The following MTCL1 variants were observed in gnomAD, a reference collection of about 807,000 sequenced individuals.
MTCL1 encodes microtubule crosslinking factor 1.
In MTCL1, 79 loss-of-function variants were observed where a neutral mutation model predicts 141.4. The ratio of observed to expected loss-of-function variants is 0.56; its 90% confidence interval spans 0.47 to 0.67. MTCL1 has a LOEUF of 0.67. Among genes scored for constraint, MTCL1 ranks in the 30% least tolerant of loss-of-function variants. MTCL1 has a pLI of 0.00. For missense variants in MTCL1, 2,177 were observed against 2,113.9 expected, an observed-to-expected ratio of 1.03 and a Z score of -0.59; for synonymous variants, 914 against 875.8, an observed-to-expected ratio of 1.04 and a Z score of -0.77.
At chr18:8,804,252 GA>G (rs1345547370) in intron 10 of MTCL1, among the ~76,000 whole-genome samples, 1 of 146,872 alleles carries the variant, frequency 6.8e-6, no homozygotes, top group African/African-American at 2.6e-5. Flanking sequence ...ATAATTTTTA[GA>G]TTTTTTTTTT....
At chr18:8,740,023 G>A (rs187590210) in intron 4 of MTCL1, among the ~76,000 whole-genome samples, 51 of 152,234 alleles carry the variant, frequency 3.4e-4, no homozygotes, top group Non-Finnish European at 5.1e-4. Context: ...GAGCCACCGC[G>A]CCCAGCCAAG....
chr18:8,830,198 T>C lies in MTCL1; in HGVS notation c.*18+1234T>C, dbSNP rs2044170114. 1 of 985,680 alleles carries C rather than the reference T, an allele frequency of 1.0e-6. No homozygotes were observed. Among genetic ancestry groups the C allele is most frequent in the Admixed American group, 6.1e-5 (1 of 16,284 alleles). The allele number at this position is 985,680 out of a possible 1,614,324, so 61.1% of individuals were successfully genotyped here. Reference sequence around the variant, plus strand: ...CAGGAGCACCTTGGGTTAGTCTGCATCTTGGTGGCTGGTGGCGCTGGTGGA... The same window carrying C: ...CAGGAGCACCTTGGGTTAGTCTGCACCTTGGTGGCTGGTGGCGCTGGTGGA... On this transcript the variant is annotated intron_variant, in intron 16 of 16. Transcript: ENST00000359865. The surrounding 1 kb of genome is among the most constrained non-coding windows in gnomAD (Gnocchi z 6.4).
chr18:8,786,177 GAGGCCCTGAGGGAAC>G, intron 7 of MTCL1, 86 bp downstream of exon 6: 2 of 1,401,834 alleles, frequency 1.4e-6, no homozygotes, highest in South Asian at 1.2e-5. Context: ...TGTCCCGGAC[GAGGCCCTGAGGGAAC>G]ATGGCAGGAG....
chr18:8,756,393 ATATG>A (rs1457718691), intron 4 of MTCL1, among the ~76,000 whole-genome samples: 9 of 148,260 alleles, frequency 6.1e-5, no homozygotes, highest in African/African-American at 1.7e-4. Context: ...ATATGTGTAT[ATATG>A]TATATATGTG....
chr18:8,781,853 G>C (rs1426816783), intron 5 of MTCL1, among the ~76,000 whole-genome samples: 1 of 152,200 alleles, frequency 6.6e-6, no homozygotes, highest in Non-Finnish European at 1.5e-5. Flanking sequence ...GCCTGGTTTT[G>C]TCCTCAGCTA....
intron 7 of MTCL1, chr18:8,787,137 A>G (rs947054522): frequency 6.6e-6 from 1 of 152,340 alleles, no homozygotes; most frequent in African/African-American, 2.4e-5. Context: ...TGTCACCATC[A>G]TGAATGCATC....
chr18:8,829,881 G>C (rs1351914350), intron 16 of MTCL1: 16 of 985,108 alleles, frequency 1.6e-5, no homozygotes, highest in Admixed American at 6.2e-5. Context: ...TGATTCCCTT[G>C]AATGCAGACT....
rs1041582549 is a variant in MTCL1 at position 8,779,098 on chromosome 18, G to T, written c.417+1206G>T. 6.6e-6 allele frequency among the ~76,000 whole-genome samples: 1 copy of T among 152,250 alleles called. No homozygotes were observed. Among genetic ancestry groups the T allele is most frequent in the African/African-American group, 2.4e-5 (1 of 41,472 alleles). On this transcript the variant is annotated intron_variant, in intron 5 of 16. Transcript: ENST00000359865. The surrounding 1 kb of genome is among the most constrained non-coding windows in gnomAD (Gnocchi z 4.1). ...CAACCAAAACCCAAAGGAAGCTGGC[G>T]CCCCGGCGCAAGGTAGGCACGTGGG...
At chr18:8,708,624 T>G (rs2096070477) in intron 1 of MTCL1, among the ~76,000 whole-genome samples, 1 of 152,256 alleles carries the variant, frequency 6.6e-6, no homozygotes, top group Non-Finnish European at 1.5e-5. Context: ...CGAGGCTGCT[T>G]TCCTCCGAGC....
At chr18:8,716,674 TG>T (rs1184787371), upstream of MTCL1, among the ~76,000 whole-genome samples, 1 of 150,548 alleles carries the variant, frequency 6.6e-6, no homozygotes, top group African/African-American at 2.4e-5. Flanking sequence ...TTAGCATGAG[TG>T]GTAAAAATCC....
chr18:8,800,005 ACT>A (rs1367830681), intron 10 of MTCL1, among the ~76,000 whole-genome samples: 1 of 152,230 alleles, frequency 6.6e-6, no homozygotes, highest in African/African-American at 2.4e-5. Context: ...GGGTCCAGAC[ACT>A]CAGACCCAGG....
At chr18:8,773,965 C>A (rs1213770251) in intron 4 of MTCL1, among the ~76,000 whole-genome samples, 2 of 152,072 alleles carry the variant, frequency 1.3e-5, no homozygotes, top group Non-Finnish European at 1.5e-5. Flanking sequence ...TCAAAGTGTT[C>A]TTGGCAATTT....
chr18:8,714,778 A>T (rs902221385), upstream of MTCL1, among the ~76,000 whole-genome samples: 1 of 151,838 alleles, frequency 6.6e-6, no homozygotes, highest in African/African-American at 2.4e-5. Context: ...ACCATATCAT[A>T]TGATCTCTCC....
chr18:8,779,922 C>A lies in MTCL1; in HGVS notation c.417+2030C>A, dbSNP rs368862096. Among the ~76,000 whole-genome samples the A allele has an allele frequency of 2.0e-4, 31 of 152,114 alleles. No homozygotes were observed. The highest frequency in any genetic ancestry group is 7.5e-4 in the African/African-American group (31 of 41,502). The stretch of plus-strand genomic sequence containing the variant: ...TGACCTGGGTTTAGGTTCATGGAGA[C>A]GGAGGAGAATTGTTCTATGATAGAT... On this transcript the variant is annotated intron_variant, in intron 5 of 16. Coordinates refer to ENST00000359865, the Ensembl canonical transcript of MTCL1. The surrounding 1 kb of genome is among the most constrained non-coding windows in gnomAD (Gnocchi z 4.1).
intron 7 of MTCL1, among the ~76,000 whole-genome samples, chr18:8,792,478 T>A (rs603368): frequency 6.6e-6 from 1 of 151,944 alleles, no homozygotes; most frequent in African/African-American, 2.4e-5. Flanking sequence ...TGAGCATCGG[T>A]GTCAGACCAC....
Position 8,783,669 on chromosome 18 carries a change from A to T in MTCL1, c.557A>T (p.Asp186Val). The change falls in exon 6 of 17, where the codon GAT becomes GTT. Residue 186 changes from aspartate (D) to valine (V), a missense_variant. By Grantham distance (152) the Asp-to-Val change is radical. Coordinates refer to ENST00000359865, the Ensembl canonical transcript of MTCL1. Reference sequence around the variant, plus strand: ...CAGAAGTACAAGTCCCTCTATGGGGATGTGGACAGTCCCCTGCCCACGGGG... The same window carrying T: ...CAGAAGTACAAGTCCCTCTATGGGGTTGTGGACAGTCCCCTGCCCACGGGG... 4 of 1,612,380 alleles carry T rather than the reference A, an allele frequency of 2.5e-6. No individual in the cohort carries two copies. The Middle Eastern group carries it at 5.0e-4, about 200-fold the overall frequency.
chr18:8,766,169 G>A (rs1311601799), intron 4 of MTCL1, among the ~76,000 whole-genome samples: 3 of 152,242 alleles, frequency 2.0e-5, no homozygotes, highest in South Asian at 2.1e-4. Flanking sequence ...TTAAAAGCAC[G>A]CAGCGGATGC....
At chr18:8,764,928 G>A (rs1366174928) in intron 4 of MTCL1, among the ~76,000 whole-genome samples, 1 of 152,188 alleles carries the variant, frequency 6.6e-6, no homozygotes, top group East Asian at 1.9e-4. Flanking sequence ...GCACTGACAG[G>A]TGCAATTACT....
chr18:8,725,780 T>C (rs1421156422), intron 4 of MTCL1, among the ~76,000 whole-genome samples: 1 of 51,428 alleles, frequency 1.9e-5, no homozygotes, highest in African/African-American at 1.2e-4. Context: ...CATTTTCTTT[T>C]TTTTTTTTTC....
Sources: gnomAD v4.1 joint callset for allele counts (sites outside exome capture counted in the v4.1 genomes callset) on GRCh38, gnomAD v4.1.1 for gene constraint, Gnocchi (gnomAD v3.1) non-coding constraint, MANE v1.5 for transcripts, NCBI Gene and HGNC (gene_info 2026-07-23, HGNC 2026-07-21) for gene names.